Variants in ARSH observed in about 807,000 individuals in gnomAD.
ARSH encodes arylsulfatase H.
In ARSH, 32 loss-of-function variants were observed where a neutral mutation model predicts 28.7. That is an observed-to-expected ratio of 1.11 (90% CI 0.84 to 1.50). The LOEUF (loss-of-function observed/expected upper bound fraction) is 1.50. Among genes scored for constraint, ARSH ranks in the 40% most tolerant of loss-of-function variants. The probability of loss-of-function intolerance (pLI) is 0.00; values close to 1 mark genes in which losing one functional copy is unlikely to be tolerated. For synonymous variants in ARSH, 176 were observed against 177.3 expected (o/e 0.99, Z 0.06); for missense variants, 440 against 452.4 (o/e 0.97, Z 0.25).
rs1015423695 is a variant in ARSH at position 3,006,698 on chromosome X, C to G, written c.86C>G (p.Ser29Ter). ...VGDLCCYGNN[S>*]VSTPNIDRLA... ...GATTTGTGCTGCTACGGTAATAACT[C>G]AGTGAGGTAAAGATGGACTCTGACC... The change falls in exon 1 of 9, where the codon TCA (serine) becomes TGA (stop). Residue 29 changes from serine (S) to a stop codon, truncating the protein, a stop_gained. Coordinates refer to ENST00000381130, the MANE Select transcript of ARSH (RefSeq NM_001011719.2). LOFTEE classifies it high-confidence loss of function. 2.5e-6 allele frequency: 3 copies of G among 1,202,996 alleles called. No individual in the cohort carries two copies. The African/African-American group carries it at 5.3e-5, about 21-fold the overall frequency.
At chrX:3,009,736 G>A (rs1428246984) in intron 1 of ARSH, among the ~76,000 whole-genome samples, 1 of 111,166 alleles carries the variant, frequency 9.0e-6, no homozygotes, top group Non-Finnish European at 1.9e-5. Flanking sequence ...AGAAGAAATT[G>A]GCTAATTTTT....
intron 2 of ARSH, among the ~76,000 whole-genome samples, chrX:3,012,574 TATATATATATATATATATATATATA>T (rs2089851546): frequency 6.0e-5 from 1 of 16,674 alleles, no homozygotes; most frequent in African/African-American, 3.3e-4. Flanking sequence ...AAAAAATATA[TATATATATATATATATATATATATA>T]ATATATATAT....
At chrX:3,015,815 G>T (rs998758719) in intron 4 of ARSH, among the ~76,000 whole-genome samples, 2 of 109,255 alleles carry the variant, frequency 1.8e-5, no homozygotes, top group Non-Finnish European at 3.8e-5. Flanking sequence ...ACCCTGTATC[G>T]AAAATAAAAG....
In ARSH at chrX:3,027,433, C is replaced by T. The variant is rs780227403; in HGVS notation, c.1157C>T (p.Pro386Leu). The change falls in exon 7 of 9, where the codon CCG becomes CTG. Residue 386 changes from proline (P) to leucine (L), a missense_variant. By Grantham distance (98) the Pro-to-Leu change is moderately conservative. Transcript: ENST00000381130. ...CCCACCAGCTTAATGGACATCTATC[C>T]GACGCTGTCTTATATAGGCGGAGGG... ...NEPTSLMDIY[P>L]TLSYIGGGIL... 6.6e-6 allele frequency: 8 copies of T among 1,209,593 alleles called. No homozygotes were observed. Among genetic ancestry groups the T allele is most frequent in the Middle Eastern group, 2.3e-4 (1 of 4,351 alleles).
intron 4 of ARSH, among the ~76,000 whole-genome samples, chrX:3,017,711 A>G (rs1370044247): frequency 9.0e-6 from 1 of 111,568 alleles, no homozygotes; most frequent in Non-Finnish European, 1.9e-5. Flanking sequence ...GGTAGATGCC[A>G]AAGCTCCAGC....
chrX:3,027,098 C>T (rs1286457714), intron 6 of ARSH, among the ~76,000 whole-genome samples: 1 of 110,961 alleles, frequency 9.0e-6, no homozygotes, highest in East Asian at 2.8e-4. Flanking sequence ...GCTTGGATTA[C>T]AGGCGCCCAC....
intron 6 of ARSH, among the ~76,000 whole-genome samples, chrX:3,025,254 T>C (rs2089895909): frequency 9.3e-6 from 1 of 107,062 alleles, no homozygotes; most frequent in Admixed American, 1.0e-4. Flanking sequence ...CTACATATAA[T>C]ATACATAATC....
At position 3,032,440 on chromosome X, in the gene ARSH, G is replaced by A. The variant is rs548587409; in HGVS notation, c.1322-578G>A. ...AAGGAAGGAAGGAAGGAAGGGGAAG[G>A]GAAGGGAAGGAAGGGAAGTAAAGGA... On this transcript the variant is annotated intron_variant, in intron 8 of 8. Coordinates refer to ENST00000381130, the MANE Select transcript of ARSH (RefSeq NM_001011719.2). Among the ~76,000 whole-genome samples, 44 of 103,559 alleles carry A rather than the reference G, an allele frequency of 4.2e-4. 1 individual carries two copies. The South Asian group carries it at 0.021, about 48-fold the overall frequency. The allele number at this position is 103,559 out of a possible 115,157, so 89.9% of individuals were successfully genotyped here.
chrX:3,029,905 T>G (rs961017513), intron 8 of ARSH, among the ~76,000 whole-genome samples: 1 of 111,507 alleles, frequency 9.0e-6, no homozygotes, highest in Non-Finnish European at 1.9e-5. Context: ...ATTTTTAAAA[T>G]ATTTATAAAA....
At position 3,013,146 on chromosome X, in the gene ARSH, A is replaced by G; in HGVS notation, c.314A>G (p.His105Arg). ...ACGACTTTTGCCAAGCTGCTGCAGC[A>G]CCGTGGCTACCGCACGGGACTCATA... ...NETTFAKLLQ[H>R]RGYRTGLIGK... Residue 105 changes from histidine (H) to arginine (R), a missense_variant, in exon 3 of 9, where the codon CAC becomes CGC. Transcript: ENST00000381130. 1 of 1,210,070 alleles carries G rather than the reference A, an allele frequency of 8.3e-7. No individual in the cohort carries two copies. The highest frequency in any genetic ancestry group is 2.2e-5 in the Admixed American group (1 of 45,780).
chrX:3,017,191 C>T (rs2089868603), intron 4 of ARSH, among the ~76,000 whole-genome samples: 1 of 111,526 alleles, frequency 9.0e-6, no homozygotes, highest in Non-Finnish European at 1.9e-5. Flanking sequence ...ATTCAATCTC[C>T]ATCTCCTTCC....
Position 3,018,645 on chromosome X carries a change from T to G in ARSH, c.876T>G (p.Asn292Lys), listed in dbSNP as rs372504842. The G allele has an allele frequency of 6.6e-6, 8 of 1,210,308 alleles. No individual in the cohort carries two copies. In the South Asian group the frequency reaches 1.2e-4, roughly 19 times the overall value. Residue 292 changes from asparagine (N) to lysine (K), a missense_variant, in exon 5 of 9, where the codon AAT becomes AAG. By Grantham distance (94) the Asn-to-Lys change is moderately conservative. Transcript: ENST00000381130. Reference protein sequence around the residue: ...GRSKYGRYGDNVEEMDWMVGK... With the variant: ...GRSKYGRYGDKVEEMDWMVGK... ...GTAAATATGGCAGGTATGGGGACAATGTAGAAGAAATGGATTGGATGGTGG... is the reference window on the plus strand; with the variant it reads ...GTAAATATGGCAGGTATGGGGACAAGGTAGAAGAAATGGATTGGATGGTGG...
intron 7 of ARSH, 143 bp downstream of exon 7, chrX:3,027,618 C>A: frequency 1.6e-6 from 1 of 622,404 alleles, no homozygotes; most frequent in Non-Finnish European, 2.4e-6. Context: ...ATGTCTTTCT[C>A]CCCTTGGTGC....
intron 1 of ARSH, among the ~76,000 whole-genome samples, chrX:3,008,555 T>G (rs1382730681): frequency 9.5e-6 from 1 of 105,059 alleles, no homozygotes; most frequent in African/African-American, 3.5e-5. Context: ...CTCTTTTTTT[T>G]CCTTTTATTT....
chrX:3,013,237 G>T, intron 3 of ARSH, 65 bp downstream of exon 3: 2 of 1,131,858 alleles, frequency 1.8e-6, no homozygotes, highest in Non-Finnish European at 2.4e-6. Flanking sequence ...CGTGTCTAAG[G>T]TGTTTCCGGG....
At chrX:3,008,454 TTTCTTTC>T (rs2089835599) in intron 1 of ARSH, among the ~76,000 whole-genome samples, 1 of 11,299 alleles carries the variant, frequency 8.9e-5, no homozygotes, top group Admixed American at 7.3e-4. Flanking sequence ...TCTTATTTTC[TTTCTTTC>T]TTTCTTTCTT....
intron 2 of ARSH, among the ~76,000 whole-genome samples, chrX:3,012,287 C>G (rs1002098858): frequency 9.4e-6 from 1 of 106,684 alleles, no homozygotes; most frequent in Non-Finnish European, 1.9e-5. Context: ...TCTTTAATCC[C>G]AACACTTTGG....
chrX:3,015,021 A>C lies in ARSH; in HGVS notation c.392A>C (p.His131Pro). 3 of 1,211,020 alleles carry C rather than the reference A, an allele frequency of 2.5e-6. No homozygotes were observed. The highest frequency in any genetic ancestry group is 1.8e-5 in the South Asian group (1 of 56,877). Residue 131 changes from histidine (H) to proline (P), a missense_variant, in exon 4 of 9, where the codon CAC (histidine) becomes CCC (proline). Transcript: ENST00000381130. ...GCCTCTCGGAATGATCACTGTTACC[A>C]CCCGCTCAACCATGGTTTTCACTAC... ...SCASRNDHCY[H>P]PLNHGFHYFY...
rs145049966 is a variant in ARSH, at chrX:3,007,956, G to T, written c.92+1252G>T. On this transcript the variant is annotated intron_variant, in intron 1 of 8. Coordinates refer to ENST00000381130, the MANE Select transcript of ARSH (RefSeq NM_001011719.2). ...CTATTGGATAAGGGTCCACTTTAAC[G>T]ACCTCATGCTACCTTAATCACCTCT... Among the ~76,000 whole-genome samples the T allele has an allele frequency of 3.6e-5, 4 of 111,160 alleles. No homozygotes were observed. In the South Asian group the frequency reaches 1.1e-3, roughly 32 times the overall value.
Sources: allele counts gnomAD v4.1 joint callset (sites outside exome capture counted in the v4.1 genomes callset), GRCh38; gene constraint gnomAD v4.1.1; transcripts MANE v1.5; gene names NCBI Gene and HGNC (gene_info 2026-07-23, HGNC 2026-07-21).